The following NCKAP5 variants were observed in gnomAD, a reference collection of about 807,000 sequenced individuals.
NCKAP5 encodes nck-associated protein 5.
NCKAP5 carries 92 observed loss-of-function variants against 167.0 expected under a neutral mutation model. The ratio of observed to expected loss-of-function variants is 0.55; its 90% confidence interval spans 0.47 to 0.66. The LOEUF is 0.66. NCKAP5 is among the 30% of genes least tolerant of loss of function. The pLI is 0.00. For synonymous variants in NCKAP5, 891 were observed against 877.4 expected (o/e 1.02, Z -0.27); for missense variants, 2,378 against 2,315.0 (o/e 1.03, Z -0.56).
At chr2:133,220,241 T>C (rs1323192077) in intron 4 of NCKAP5, among the ~76,000 whole-genome samples, 1 of 152,216 alleles carries the variant, frequency 6.6e-6, no homozygotes, top group Non-Finnish European at 1.5e-5. Flanking sequence ...ATGAAGTGGG[T>C]ATTGACTTTA....
chr2:133,671,827 A>T, the NCKAP5 span, among the ~76,000 whole-genome samples: 2 of 152,206 alleles, frequency 1.3e-5, no homozygotes, highest in East Asian at 3.8e-4. Flanking sequence ...ACATAATTGT[A>T]AACATGCTGC....
intron 3 of NCKAP5, among the ~76,000 whole-genome samples, chr2:133,452,846 G>A (rs1412520719): frequency 6.6e-6 from 1 of 152,126 alleles, no homozygotes; most frequent in African/African-American, 2.4e-5. Flanking sequence ...CCCCTGTACA[G>A]TCATGCCCTG....
chr2:133,665,314 A>G, the NCKAP5 span, among the ~76,000 whole-genome samples: 6 of 152,344 alleles, frequency 3.9e-5, no homozygotes, highest in East Asian at 1.2e-3. Context: ...TAAGAGATGC[A>G]TAATTCTTCC....
At chr2:132,728,487 GAA>G (rs140854508) in intron 18 of NCKAP5, among the ~76,000 whole-genome samples, 8,762 of 152,210 alleles carry the variant, frequency 0.058, 864 homozygotes, top group African/African-American at 0.2. Context: ...TGAAAAAATA[GAA>G]AAAACATCAT....
intron 8 of NCKAP5, among the ~76,000 whole-genome samples, chr2:132,919,373 CTG>C (rs1221861838): frequency 6.6e-6 from 1 of 152,116 alleles, no homozygotes; most frequent in Non-Finnish European, 1.5e-5. Flanking sequence ...CTGGCAGAGA[CTG>C]TGTCTGTCTA....
Position 132,712,250 on chromosome 2 carries a change from A to G in NCKAP5, c.5713+13377T>C, listed in dbSNP as rs577039940. ...CCTGATTTGCTCACTTGCCCCTCAGAGAAATCCTCTTCCCCTTTATGCCCA... is the reference window on the plus strand; with the variant it reads ...CCTGATTTGCTCACTTGCCCCTCAGGGAAATCCTCTTCCCCTTTATGCCCA... On this transcript the variant is annotated intron_variant, in intron 19 of 19. Transcript: ENST00000409261. Among the ~76,000 whole-genome samples, 6 of 152,324 alleles carry G rather than the reference A, an allele frequency of 3.9e-5. No homozygotes were observed. In the East Asian group the frequency reaches 7.7e-4, roughly 20 times the overall value.
chr2:133,488,066 A>G (rs530301761), intron 3 of NCKAP5, among the ~76,000 whole-genome samples: 2 of 152,334 alleles, frequency 1.3e-5, no homozygotes, highest in East Asian at 3.9e-4. Flanking sequence ...CCCTGAACTT[A>G]ATTTTTAAAA....
intron 16 of NCKAP5, among the ~76,000 whole-genome samples, chr2:132,741,920 G>A (rs60814282): frequency 4.4e-4 from 67 of 152,090 alleles, no homozygotes; most frequent in African/African-American, 1.1e-3. Flanking sequence ...GGGCTTGTGC[G>A]TATGCAAGGC....
intron 3 of NCKAP5, among the ~76,000 whole-genome samples, chr2:133,310,285 A>T (rs376588597): frequency 6.6e-6 from 1 of 152,184 alleles, no homozygotes; most frequent in African/African-American, 2.4e-5. Context: ...AAGCAAATCA[A>T]TTTAGGAGTC....
At chr2:133,558,168 T>C (rs1320016893) in intron 2 of NCKAP5, 1 of 152,256 alleles carries the variant, frequency 6.6e-6, no homozygotes, top group East Asian at 1.9e-4. Context: ...TGGCCTGTAA[T>C]GTGGATGTGT....
At chr2:133,210,853 A>G (rs956721485) in intron 5 of NCKAP5, among the ~76,000 whole-genome samples, 26 of 152,144 alleles carry the variant, frequency 1.7e-4, no homozygotes, top group African/African-American at 6.0e-4. Context: ...AAGGGAGATG[A>G]TAAGAATAAA....
the NCKAP5 span, among the ~76,000 whole-genome samples, chr2:133,668,595 T>C: frequency 1.3e-5 from 2 of 152,018 alleles, no homozygotes; most frequent in Non-Finnish European, 2.9e-5. Flanking sequence ...TTTTGAGAAA[T>C]GAATATTTGA....
intron 3 of NCKAP5, among the ~76,000 whole-genome samples, chr2:133,508,098 G>T (rs62177729): frequency 6.6e-6 from 1 of 152,294 alleles, no homozygotes; most frequent in Non-Finnish European, 1.5e-5. Flanking sequence ...GGAGTCAGGA[G>T]GGGTGGTCAG....
At chr2:133,222,874 C>G (rs2086715345) in intron 4 of NCKAP5, among the ~76,000 whole-genome samples, 1 of 152,220 alleles carries the variant, frequency 6.6e-6, no homozygotes, top group South Asian at 2.1e-4. Flanking sequence ...ACTTGTGCCT[C>G]TGTAGCTACC....
intron 3 of NCKAP5, among the ~76,000 whole-genome samples, chr2:133,475,771 CCTGT>C (rs1679827260): frequency 6.6e-6 from 1 of 152,156 alleles, no homozygotes; most frequent in African/African-American, 2.4e-5. Context: ...ATTATTTTAA[CCTGT>C]CTTTCAAGAG....
At position 133,319,035 on chromosome 2, in the gene NCKAP5, T is replaced by C. The variant is rs1681826659; in HGVS notation, c.70-15925A>G. Among the ~76,000 whole-genome samples, 2 of 152,104 alleles carry C rather than the reference T, an allele frequency of 1.3e-5. 1 individual carries two copies. Among genetic ancestry groups the C allele is most frequent in the Admixed American group, 1.3e-4 (2 of 15,276 alleles). On this transcript the variant is annotated intron_variant, in intron 3 of 19. Coordinates refer to ENST00000409261, the MANE Select transcript of NCKAP5 (RefSeq NM_207363.3). Reference sequence around the variant, plus strand: ...GGGGGTGGAGGGGCCCAACAATGTATGGTTTTAGGAGCCCTCCAGGTGATT... The same window carrying C: ...GGGGGTGGAGGGGCCCAACAATGTACGGTTTTAGGAGCCCTCCAGGTGATT...
intron 5 of NCKAP5, among the ~76,000 whole-genome samples, chr2:133,154,452 G>T (rs1038609885): frequency 6.6e-6 from 1 of 152,202 alleles, no homozygotes; most frequent in African/African-American, 2.4e-5. Context: ...GTTGTTATTA[G>T]CACTGGTACA....
the NCKAP5 span, among the ~76,000 whole-genome samples, chr2:133,574,595 C>A: frequency 1.5e-4 from 21 of 138,708 alleles, no homozygotes; most frequent in South Asian, 2.3e-4. Context: ...GTTGCATTTT[C>A]TTCTTTCCTT....
At chr2:132,937,047 G>T (rs992802314) in intron 8 of NCKAP5, among the ~76,000 whole-genome samples, 1 of 152,150 alleles carries the variant, frequency 6.6e-6, no homozygotes, top group Admixed American at 6.5e-5. Flanking sequence ...TCCCACTGAG[G>T]GTAACTTGAG....
Sources: gnomAD v4.1 joint callset for allele counts (sites outside exome capture counted in the v4.1 genomes callset) on GRCh38, gnomAD v4.1.1 for gene constraint, MANE v1.5 for transcripts, NCBI Gene and HGNC (gene_info 2026-07-23, HGNC 2026-07-21) for gene names.